EGFLAM: variants seen among roughly 807,000 people sequenced by gnomAD.
EGFLAM encodes pikachurin.
Under a neutral mutation model 113.1 loss-of-function variants are expected in EGFLAM, and 79 were observed. The ratio of observed to expected loss-of-function variants is 0.70; its 90% CI spans 0.58 to 0.84. The LOEUF (loss-of-function observed/expected upper bound fraction) is 0.84, where lower values mean the gene tolerates loss of function less well. Ranked by LOEUF, EGFLAM falls within the 40% of genes least tolerant of loss-of-function variation. The probability of loss-of-function intolerance (pLI) is 0.00; values close to 1 mark genes in which losing one functional copy is unlikely to be tolerated. For missense variants in EGFLAM, 1,265 were observed against 1,291.6 expected (o/e 0.98, Z 0.32); for synonymous variants, 504 against 487.6 (o/e 1.03, Z -0.44).
At position 38,288,930 on chromosome 5, in the gene EGFLAM, C is replaced by T. The variant is rs574929741; in HGVS notation, c.97+30079C>T. ...AAGCCCCAAGTAGAAGCTACCCCAC[C>T]CTCATGTCCTATAATTGGGTCTGTG... On this transcript the variant is annotated intron_variant, in intron 1 of 21. Coordinates refer to ENST00000322350, the MANE Select transcript of EGFLAM (RefSeq NM_152403.4). Among the ~76,000 whole-genome samples, 103 of 152,028 alleles carry T rather than the reference C, an allele frequency of 6.8e-4. 1 individual carries two copies. The Middle Eastern group carries it at 0.01, about 15-fold the overall frequency.
intron 12 of EGFLAM, among the ~76,000 whole-genome samples, chr5:38,419,075 C>T (rs985699026): frequency 3.9e-5 from 6 of 152,176 alleles, no homozygotes; most frequent in Admixed American, 1.3e-4. Flanking sequence ...GCCACCTTCT[C>T]GCTGTGTGCT....
chr5:38,334,391 T>C (rs1312953962), intron 1 of EGFLAM, among the ~76,000 whole-genome samples: 1 of 152,170 alleles, frequency 6.6e-6, no homozygotes. Flanking sequence ...AAGGCTCACT[T>C]TCTGGCCCAT....
At chr5:38,297,098 G>A (rs1454511536) in intron 1 of EGFLAM, among the ~76,000 whole-genome samples, 1 of 152,156 alleles carries the variant, frequency 6.6e-6, no homozygotes, top group Non-Finnish European at 1.5e-5. Context: ...AATGTAATAT[G>A]AGATCCTGAT....
intron 6 of EGFLAM, among the ~76,000 whole-genome samples, chr5:38,379,690 C>A (rs561156817): frequency 6.6e-5 from 10 of 152,118 alleles, no homozygotes; most frequent in Non-Finnish European, 1.5e-4. Flanking sequence ...ATTTCCTGAA[C>A]TCCTTCAGTT....
At chr5:38,274,801 C>G (rs1355370076) in intron 1 of EGFLAM, among the ~76,000 whole-genome samples, 1 of 152,154 alleles carries the variant, frequency 6.6e-6, no homozygotes, top group Non-Finnish European at 1.5e-5. Context: ...CAGTCAAATT[C>G]AGAACACTCT....
At chr5:38,389,969 T>C (rs1174915003) in intron 6 of EGFLAM, among the ~76,000 whole-genome samples, 1 of 152,202 alleles carries the variant, frequency 6.6e-6, no homozygotes, top group Non-Finnish European at 1.5e-5. Flanking sequence ...TGTTTTGTAT[T>C]GTGAGTTATT....
At chr5:38,463,105 T>G in intron 21 of EGFLAM, 94 bp downstream of exon 21, 3 of 1,209,520 alleles carry the variant, frequency 2.5e-6, no homozygotes, top group Non-Finnish European at 3.5e-6. Flanking sequence ...CTTTGCTGGA[T>G]CAAATACCTG....
At position 38,445,608 on chromosome 5, in the gene EGFLAM, A is replaced by G. The variant is rs186575988; in HGVS notation, c.2465-2693A>G. 613 of 1,598,366 alleles carry G rather than the reference A, an allele frequency of 3.8e-4. 1 individual carries two copies. The African/African-American group carries it at 7.2e-3, about 19-fold the overall frequency. On this transcript the variant is annotated intron_variant, in intron 17 of 21. Coordinates refer to ENST00000322350, the MANE Select transcript of EGFLAM (RefSeq NM_152403.4). The stretch of plus-strand genomic sequence containing the variant: ...CTGGCTTCAAGTGATCTGCAACCAG[A>G]GTAATTGGGATTTGACAAGGACTGT...
intron 6 of EGFLAM, among the ~76,000 whole-genome samples, chr5:38,384,230 G>A (rs1002286439): frequency 4.6e-5 from 7 of 152,090 alleles, no homozygotes; most frequent in Admixed American, 3.9e-4. Flanking sequence ...TGAAACTGGC[G>A]AGTCATTGAA....
At chr5:38,328,253 A>G (rs929284559) in intron 1 of EGFLAM, among the ~76,000 whole-genome samples, 2 of 152,152 alleles carry the variant, frequency 1.3e-5, no homozygotes, top group Admixed American at 1.3e-4. Context: ...TTTATTAAAG[A>G]ACCAGATCTT....
chr5:38,455,261 G>T (rs780176258), intron 19 of EGFLAM, among the ~76,000 whole-genome samples: 1 of 152,190 alleles, frequency 6.6e-6, no homozygotes, highest in African/African-American at 2.4e-5. Context: ...TTTCCGGGTG[G>T]CCCACCTTGG....
At chr5:38,299,252 C>T (rs1011619160) in intron 1 of EGFLAM, among the ~76,000 whole-genome samples, 24 of 152,170 alleles carry the variant, frequency 1.6e-4, no homozygotes, top group Non-Finnish European at 2.9e-4. Context: ...TACTCAGGTG[C>T]TCATTACTGT....
chr5:38,388,932 AC>A lies in EGFLAM; in HGVS notation c.713-17193del, dbSNP rs1303743294. Among the ~76,000 whole-genome samples, 753 of 126,696 alleles carry A rather than the reference AC, an allele frequency of 5.9e-3. 19 individuals carry two copies. The highest frequency in any genetic ancestry group is 0.028 in the African/African-American group (711 of 25,830). The allele number at this position is 126,696 out of a possible 152,430, so 83.1% of individuals were successfully genotyped here. A position where few individuals can be genotyped will look rare whatever the true frequency, so the allele number is the denominator to read the frequency against. ...CCTGTCTCAAGAAAAAAAAAAAAAA[AC>A]AAAAAAAAATGCAAATGAGTTTTTC... On this transcript the variant is annotated intron_variant, in intron 6 of 21. Transcript: ENST00000322350.
intron 20 of EGFLAM, among the ~76,000 whole-genome samples, chr5:38,458,801 C>T (rs777903482): frequency 6.6e-6 from 1 of 151,942 alleles, no homozygotes; most frequent in Non-Finnish European, 1.5e-5. Flanking sequence ...AGTTACATGG[C>T]GAAACCCTGT....
chr5:38,455,282 C>T (rs1487408207), intron 19 of EGFLAM, among the ~76,000 whole-genome samples: 1 of 152,194 alleles, frequency 6.6e-6, no homozygotes, highest in Non-Finnish European at 1.5e-5. Context: ...TGCTCTGGCT[C>T]ACAGCCTCTA....
intron 5 of EGFLAM, among the ~76,000 whole-genome samples, chr5:38,357,167 G>A (rs1385792516): frequency 6.6e-6 from 1 of 152,168 alleles, no homozygotes. Context: ...GAGGCAGGAG[G>A]ATCACTTGAG....
intron 6 of EGFLAM, among the ~76,000 whole-genome samples, chr5:38,389,691 T>C (rs954099951): frequency 2.0e-5 from 3 of 152,208 alleles, no homozygotes; most frequent in Non-Finnish European, 2.9e-5. Flanking sequence ...TTTATGTTTT[T>C]CATTCATATT....
At chr5:38,392,977 A>T (rs1322323837) in intron 6 of EGFLAM, among the ~76,000 whole-genome samples, 1 of 152,134 alleles carries the variant, frequency 6.6e-6, no homozygotes, top group Non-Finnish European at 1.5e-5. Flanking sequence ...ACCTCAAGTG[A>T]TCTGCCCACC....
intron 6 of EGFLAM, among the ~76,000 whole-genome samples, chr5:38,402,449 A>G (rs1741146151): frequency 6.6e-6 from 1 of 152,150 alleles, no homozygotes; most frequent in Non-Finnish European, 1.5e-5. Flanking sequence ...GATGTATGAA[A>G]AGCTCCTGGC....
Sources: gnomAD v4.1 joint callset for allele counts (sites outside exome capture counted in the v4.1 genomes callset) on GRCh38, gnomAD v4.1.1 for gene constraint, MANE v1.5 for transcripts, NCBI Gene and HGNC (gene_info 2026-07-23, HGNC 2026-07-21) for gene names.